Variants in RNF220 observed in about 807,000 individuals in gnomAD.
RNF220 encodes E3 ubiquitin-protein ligase RNF220.
RNF220 carries 7 observed loss-of-function variants against 67.1 expected under a neutral mutation model. The ratio of observed to expected loss-of-function variants is 0.10; its 90% CI spans 0.06 to 0.20. The LOEUF is 0.20. RNF220 is among the 10% of genes least tolerant of loss of function. RNF220 has a pLI of 1.00. For missense variants in RNF220, 565 were observed against 740.3 expected (o/e 0.76, Z 2.75); for synonymous variants, 270 against 283.2 (o/e 0.95, Z 0.47).
At chr1:44,555,377 G>A (rs1160900859) in intron 2 of RNF220, among the ~76,000 whole-genome samples, 3 of 151,346 alleles carry the variant, frequency 2.0e-5, no homozygotes, top group African/African-American at 7.3e-5. Context: ...TTTCAACTTT[G>A]TATGATCTGA....
At chr1:44,522,376 T>C (rs919856931) in intron 2 of RNF220, among the ~76,000 whole-genome samples, 2 of 152,194 alleles carry the variant, frequency 1.3e-5, no homozygotes, top group African/African-American at 4.8e-5. Context: ...ATGCCTAACA[T>C]GGAGCCTGGC....
chr1:44,470,065 A>G (rs566822205), intron 2 of RNF220, among the ~76,000 whole-genome samples: 44 of 144,100 alleles, frequency 3.1e-4, no homozygotes, highest in Non-Finnish European at 5.2e-4. Flanking sequence ...TTGCAGGGAA[A>G]CAAGAGCAGA....
intron 5 of RNF220, chr1:44,631,879 A>G: frequency 1.0e-6 from 1 of 985,034 alleles, no homozygotes; most frequent in Non-Finnish European, 1.2e-6. Flanking sequence ...ACCCGAGTAC[A>G]AACGGCAGCT....
At chr1:44,466,929 G>C (rs748074838) in intron 2 of RNF220, among the ~76,000 whole-genome samples, 23 of 152,198 alleles carry the variant, frequency 1.5e-4, no homozygotes, top group Non-Finnish European at 3.4e-4. Context: ...AGTGCATTAT[G>C]CACCTAACAT....
chr1:44,573,188 G>A (rs894322010), intron 2 of RNF220, among the ~76,000 whole-genome samples: 3 of 152,164 alleles, frequency 2.0e-5, no homozygotes, highest in South Asian at 2.1e-4. Flanking sequence ...CGATGTGCCA[G>A]CTGCTTCACA....
chr1:44,533,619 A>T lies in RNF220; in HGVS notation c.626-80546A>T, dbSNP rs200061130. 2.6e-5 allele frequency among the ~76,000 whole-genome samples: 4 copies of T among 152,260 alleles called. No homozygotes were observed. The East Asian group carries it at 7.7e-4, about 29-fold the overall frequency. ...TACTGAGTTGCAGGGACCACAAAGA[A>T]TAAGACACCTGCCCTGAAGAGGTTC... On this transcript the variant is annotated intron_variant, in intron 2 of 14. Transcript: ENST00000361799.
intron 2 of RNF220, among the ~76,000 whole-genome samples, chr1:44,554,491 T>C (rs1558038190): frequency 6.6e-6 from 1 of 152,080 alleles, no homozygotes; most frequent in African/African-American, 2.4e-5. Context: ...GATGTATTCA[T>C]ACTCAATAAA....
At chr1:44,413,673 C>A (rs1014372759) in intron 2 of RNF220, among the ~76,000 whole-genome samples, 2 of 152,164 alleles carry the variant, frequency 1.3e-5, no homozygotes, top group African/African-American at 2.4e-5. Context: ...TTCCACGCAA[C>A]CCTTTGTTCT....
rs370846839 is a variant in RNF220 at position 44,510,250 on chromosome 1, AAG to A, written c.625+97543_625+97544del. ...TGAGACCCTGAAAAAAAAAAAAGGAAAGAGAGAGAGAGAGAGGAGGGAGGGAG... is the reference window on the plus strand; with the variant it reads ...TGAGACCCTGAAAAAAAAAAAAGGAAAGAGAGAGAGAGAGGAGGGAGGGAG... On this transcript the variant is annotated intron_variant, in intron 2 of 14. Coordinates refer to ENST00000361799, the MANE Select transcript of RNF220 (RefSeq NM_018150.4). 4.4e-3 allele frequency among the ~76,000 whole-genome samples: 644 copies of A among 147,634 alleles called. 7 individuals carry two copies. Among genetic ancestry groups the A allele is most frequent in the African/African-American group, 0.015 (587 of 40,306 alleles).
At chr1:44,625,286 TC>T (rs1394485539) in intron 4 of RNF220, among the ~76,000 whole-genome samples, 1 of 152,218 alleles carries the variant, frequency 6.6e-6, no homozygotes, top group African/African-American at 2.4e-5. Context: ...TCCAGCCTCT[TC>T]TCTCCTCCAG....
chr1:44,603,644 C>G (rs1002674101), intron 2 of RNF220, among the ~76,000 whole-genome samples: 1 of 152,114 alleles, frequency 6.6e-6, no homozygotes. Flanking sequence ...TCTCCAGATG[C>G]AAGGGCTCCC....
At chr1:44,568,567 A>G (rs1487725308) in intron 2 of RNF220, among the ~76,000 whole-genome samples, 3 of 152,252 alleles carry the variant, frequency 2.0e-5, no homozygotes, top group Admixed American at 2.0e-4. Flanking sequence ...GAAAGACCCT[A>G]GAGAAATGTA....
At chr1:44,605,311 A>G (rs67933709) in intron 2 of RNF220, among the ~76,000 whole-genome samples, 30 of 143,386 alleles carry the variant, frequency 2.1e-4, no homozygotes, top group Admixed American at 2.1e-4. Context: ...AAAAAAAAAA[A>G]AGAAAAGAAA....
chr1:44,530,373 G>C (rs1361771464), intron 2 of RNF220, among the ~76,000 whole-genome samples: 2 of 152,152 alleles, frequency 1.3e-5, no homozygotes, highest in African/African-American at 2.4e-5. Context: ...GTCACCCAAA[G>C]AGCAGAGATC....
chr1:44,626,459 C>A, intron 5 of RNF220, 61 bp downstream of exon 5: 2 of 1,327,036 alleles, frequency 1.5e-6, no homozygotes, highest in Non-Finnish European at 2.2e-6. Flanking sequence ...GCTTCAAGAG[C>A]CTGCCCGGTG....
chr1:44,423,905 T>C, intron 2 of RNF220: 2 of 985,418 alleles, frequency 2.0e-6, no homozygotes, highest in Non-Finnish European at 2.4e-6. Flanking sequence ...AGCAAACCGT[T>C]GTTCTAGCCT....
intron 2 of RNF220, among the ~76,000 whole-genome samples, chr1:44,559,988 G>C (rs1663436130): frequency 6.6e-6 from 1 of 152,194 alleles, no homozygotes; most frequent in African/African-American, 2.4e-5. Flanking sequence ...CCCAGGAGGA[G>C]CCACGGCTCC....
chr1:44,584,951 C>T lies in RNF220; in HGVS notation c.626-29214C>T, dbSNP rs182824217. Reference sequence around the variant, plus strand: ...TGACCTCAAGTGATCTGCCCACTTCCGCCTCCCAAAGTGCTGGGATTACAG... The same window carrying T: ...TGACCTCAAGTGATCTGCCCACTTCTGCCTCCCAAAGTGCTGGGATTACAG... On this transcript the variant is annotated intron_variant, in intron 2 of 14. Transcript: ENST00000361799. Among the ~76,000 whole-genome samples, 197 of 152,238 alleles carry T rather than the reference C, an allele frequency of 1.3e-3. 1 individual carries two copies. Among genetic ancestry groups the T allele is most frequent in the South Asian group, 3.1e-3 (15 of 4,822 alleles).
chr1:44,512,498 C>T (rs556305006), intron 2 of RNF220, among the ~76,000 whole-genome samples: 2 of 152,112 alleles, frequency 1.3e-5, no homozygotes, highest in African/African-American at 4.8e-5. Context: ...AGAATGGGGA[C>T]GGCCCCTAAG....
Sources: allele counts gnomAD v4.1 joint callset (sites outside exome capture counted in the v4.1 genomes callset), GRCh38; gene constraint gnomAD v4.1.1; transcripts MANE v1.5; gene names NCBI Gene and HGNC (gene_info 2026-07-23, HGNC 2026-07-21).